KLHL29: variants seen among roughly 807,000 people sequenced by gnomAD.
The protein encoded by KLHL29 is kelch-like protein 29.
KLHL29 carries 21 observed loss-of-function variants against 80.4 expected under a neutral mutation model. That is an observed-to-expected ratio of 0.26 (90% CI 0.19 to 0.38). The LOEUF (loss-of-function observed/expected upper bound fraction) is 0.38, where lower values mean the gene tolerates loss of function less well. KLHL29 is among the 10% of genes least tolerant of loss of function. KLHL29 has a pLI of 1.00. For missense variants in KLHL29, 867 were observed against 1,223.9 expected, an observed-to-expected ratio of 0.71 and a Z score of 4.35; for synonymous variants, 511 against 526.8, an observed-to-expected ratio of 0.97 and a Z score of 0.41.
chr2:23,554,483 C>T (rs935847533), intron 2 of KLHL29, among the ~76,000 whole-genome samples: 9 of 152,160 alleles, frequency 5.9e-5, no homozygotes, highest in Non-Finnish European at 8.8e-5. Context: ...CCCTCACAGC[C>T]GGCCGCCCAC....
chr2:23,594,778 C>A (rs1320810796), intron 3 of KLHL29, among the ~76,000 whole-genome samples: 1 of 152,224 alleles, frequency 6.6e-6, no homozygotes, highest in Non-Finnish European at 1.5e-5. Context: ...TCCCATTCTA[C>A]ATCATCTTGG....
Position 23,642,575 on chromosome 2 carries a change from C to G in KLHL29, c.665C>G (p.Pro222Arg). The change falls in exon 5 of 14, where the codon CCT becomes CGT. Residue 222 changes from proline (P) to arginine (R), a missense_variant. This residue lies in a region of KLHL29 where 424 missense variants were observed against 456.9 expected (regional missense o/e 0.93). Transcript: ENST00000486442. ...CTGAGCAGCGTGGTGGTCAACATGCCTGCCCAGGCCCTGTATGCCAGCCCT... is the reference window on the plus strand; with the variant it reads ...CTGAGCAGCGTGGTGGTCAACATGCGTGCCCAGGCCCTGTATGCCAGCCCT... ...QPLSSVVVNM[P>R]AQALYASPQP... 6.5e-7 allele frequency: 1 copy of G among 1,549,592 alleles called. No individual in the cohort carries two copies. Among genetic ancestry groups the G allele is most frequent in the Non-Finnish European group, 8.7e-7 (1 of 1,146,146 alleles).
chr2:23,642,965 C>G, intron 5 of KLHL29, 115 bp downstream of exon 5: 1 of 1,245,752 alleles, frequency 8.0e-7, no homozygotes, highest in Non-Finnish European at 1.2e-6. Context: ...ACTGGCCTCC[C>G]CAACCCAGAG....
At chr2:23,386,834 G>A (rs1666195647) in intron 1 of KLHL29, among the ~76,000 whole-genome samples, 1 of 152,216 alleles carries the variant, frequency 6.6e-6, no homozygotes, top group East Asian at 1.9e-4. Context: ...TCGCCTCTGC[G>A]TTGCCTGGGG....
chr2:23,603,685 A>G (rs1668631286), intron 3 of KLHL29, among the ~76,000 whole-genome samples: 1 of 152,226 alleles, frequency 6.6e-6, no homozygotes, highest in Non-Finnish European at 1.5e-5. Context: ...CTGTGAGTCC[A>G]CATCCCAGCC....
At position 23,647,258 on chromosome 2, in the gene KLHL29, A is replaced by G. The variant is rs1329479380; in HGVS notation, c.940+4408A>G. ...CCACACTCTGACATGTCCAGGGCAC[A>G]TTGTTCCTTCCACAGCCTCCATAAA... On this transcript the variant is annotated intron_variant, in intron 5 of 13. Coordinates refer to ENST00000486442, the MANE Select transcript of KLHL29 (RefSeq NM_052920.2). The surrounding 1 kb of genome is among the most constrained non-coding windows in gnomAD (Gnocchi z 4.9). 6.6e-6 allele frequency among the ~76,000 whole-genome samples: 1 copy of G among 152,152 alleles called. No homozygotes were observed. Among genetic ancestry groups the G allele is most frequent in the Non-Finnish European group, 1.5e-5 (1 of 68,018 alleles).
At chr2:23,703,965 C>A in intron 13 of KLHL29, 102 bp downstream of exon 13, 1 of 1,332,270 alleles carries the variant, frequency 7.5e-7, no homozygotes, top group Non-Finnish European at 1.0e-6. Context: ...TAGCAATTCC[C>A]AGGCCCAGAG....
rs149506206 is a variant in KLHL29, at chr2:23,498,973, C to T, written c.-46+23306C>T. On this transcript the variant is annotated intron_variant, in intron 2 of 13. Transcript: ENST00000486442. ...CTGAAAATCAGACCGAATGGCTGAA[C>T]GCTTACAGATGTCCCTGCGACCGAT... Among the ~76,000 whole-genome samples the T allele has an allele frequency of 7.3e-3, 1,111 of 152,282 alleles. 16 individuals carry two copies. Among genetic ancestry groups the T allele is most frequent in the African/African-American group, 0.025 (1,055 of 41,552 alleles).
chr2:23,686,475 G>A (rs1051918291), intron 6 of KLHL29, among the ~76,000 whole-genome samples: 4 of 152,268 alleles, frequency 2.6e-5, no homozygotes, highest in African/African-American at 9.6e-5. Context: ...ATTGGTTCAA[G>A]TGATGCCCAG....
In KLHL29 at chr2:23,695,859, T is replaced by C. The variant is rs2149212595; in HGVS notation, c.1741+38T>C. The C allele has an allele frequency of 6.5e-7, 1 of 1,536,040 alleles. No homozygotes were observed. The highest frequency in any genetic ancestry group is 1.7e-4 in the Middle Eastern group (1 of 5,914). ...ACGCCCCGAACCTCCCAAGAAGCAGTGTCTTGGGCTCAGTGGTTCCAGTGA... is the reference window on the plus strand; with the variant it reads ...ACGCCCCGAACCTCCCAAGAAGCAGCGTCTTGGGCTCAGTGGTTCCAGTGA... On this transcript the variant is annotated intron_variant, in intron 9 of 13. Transcript: ENST00000486442. The surrounding 1 kb of genome is among the most constrained non-coding windows in gnomAD (Gnocchi z 7.6).
At chr2:23,673,635 TACAC>T (rs375535852) in intron 5 of KLHL29, among the ~76,000 whole-genome samples, 2 of 139,042 alleles carry the variant, frequency 1.4e-5, no homozygotes, top group Non-Finnish European at 3.1e-5. Context: ...CACACACACA[TACAC>T]ACACACCCCT....
At chr2:23,410,355 G>A (rs898658795) in intron 1 of KLHL29, among the ~76,000 whole-genome samples, 12 of 152,166 alleles carry the variant, frequency 7.9e-5, no homozygotes, top group African/African-American at 2.9e-4. Context: ...AGGGTGGGAA[G>A]TAAAGGAGAG....
chr2:23,421,882 T>C (rs745484628), intron 1 of KLHL29, among the ~76,000 whole-genome samples: 9 of 152,064 alleles, frequency 5.9e-5, no homozygotes, highest in Non-Finnish European at 1.2e-4. Flanking sequence ...TATGTATGTG[T>C]GTATCTGTGT....
intron 2 of KLHL29, among the ~76,000 whole-genome samples, chr2:23,549,012 G>A (rs577645303): frequency 1.4e-3 from 216 of 152,332 alleles, no homozygotes; most frequent in African/African-American, 5.1e-3. Flanking sequence ...CTGGGAGAGA[G>A]TCCAACAAGG....
At chr2:23,679,931 T>C (rs776718472) in intron 5 of KLHL29, among the ~76,000 whole-genome samples, 18 of 151,616 alleles carry the variant, frequency 1.2e-4, no homozygotes, top group Admixed American at 5.2e-4. Flanking sequence ...AGTGGGGACG[T>C]GTGTGGGGTG....
chr2:23,417,621 G>A (rs938412480), intron 1 of KLHL29, among the ~76,000 whole-genome samples: 2 of 152,154 alleles, frequency 1.3e-5, no homozygotes, highest in African/African-American at 2.4e-5. Context: ...GTGGATGGAG[G>A]CTCTGTACCC....
At chr2:23,656,240 A>T (rs1458264216) in intron 5 of KLHL29, among the ~76,000 whole-genome samples, 5 of 152,216 alleles carry the variant, frequency 3.3e-5, no homozygotes, top group Non-Finnish European at 7.3e-5. Context: ...TCGCCGGCAG[A>T]TGAAAGCCAG....
intron 2 of KLHL29, among the ~76,000 whole-genome samples, chr2:23,538,268 A>G (rs938449382): frequency 6.6e-6 from 1 of 152,190 alleles, no homozygotes; most frequent in African/African-American, 2.4e-5. Flanking sequence ...AAAAGCTCTC[A>G]AGTGATGCTG....
At chr2:23,525,877 T>C (rs999722747) in intron 2 of KLHL29, among the ~76,000 whole-genome samples, 3 of 152,148 alleles carry the variant, frequency 2.0e-5, no homozygotes, top group African/African-American at 7.2e-5. Context: ...GCCCCACCTG[T>C]CCTGATGTGA....
Sources: allele counts gnomAD v4.1 joint callset (sites outside exome capture counted in the v4.1 genomes callset), GRCh38; gene constraint gnomAD v4.1.1; regional missense constraint gnomAD v4.1.1; non-coding constraint Gnocchi (gnomAD v3.1); transcripts MANE v1.5; gene names NCBI Gene and HGNC (gene_info 2026-07-23, HGNC 2026-07-21).